PIK3CB: variants seen among roughly 807,000 people sequenced by gnomAD.
PIK3CB encodes phosphatidylinositol 4,5-bisphosphate 3-kinase catalytic subunit beta isoform.
Under a neutral mutation model 136.8 loss-of-function variants are expected in PIK3CB, and 39 were observed. The ratio of observed to expected loss-of-function variants is 0.29; its 90% CI spans 0.22 to 0.37. The LOEUF (loss-of-function observed/expected upper bound fraction) is 0.37. PIK3CB is among the 10% of genes least tolerant of loss of function. The pLI is 1.00. For missense variants in PIK3CB, 868 were observed against 1,275.4 expected (o/e 0.68, Z 4.87); for synonymous variants, 428 against 436.6 (o/e 0.98, Z 0.25).
intron 5 of PIK3CB, among the ~76,000 whole-genome samples, chr3:138,739,065 T>C (rs959847357): frequency 2.6e-5 from 4 of 152,180 alleles, no homozygotes; most frequent in African/African-American, 4.8e-5. Flanking sequence ...TAATCTCTAA[T>C]GTGATGATAT....
chr3:138,666,045 C>T (rs1056083789), intron 19 of PIK3CB, among the ~76,000 whole-genome samples: 14 of 152,216 alleles, frequency 9.2e-5, no homozygotes, highest in African/African-American at 3.1e-4. Flanking sequence ...AATTGATATT[C>T]TAACTAGACC....
At chr3:138,744,258 G>A (rs998808173) in intron 4 of PIK3CB, among the ~76,000 whole-genome samples, 1 of 151,332 alleles carries the variant, frequency 6.6e-6, no homozygotes, top group African/African-American at 2.4e-5. Context: ...AGCCAGGCGT[G>A]GTGGTGGGTG....
Position 138,654,564 on chromosome 3 carries a change from T to C in PIK3CB, c.*825A>G, listed in dbSNP as rs1246300526. On this transcript the variant is annotated 3_prime_UTR_variant, in exon 24 of 24. Coordinates refer to ENST00000674063, the MANE Select transcript of PIK3CB (RefSeq NM_006219.3). ...GAAGTGAACTCTTTCATAGATACCA[T>C]ATAAAAACTGTATTAATATGTGCCT... 3 of 227,356 alleles carry C rather than the reference T, an allele frequency of 1.3e-5. No homozygotes were observed. The highest frequency in any genetic ancestry group is 2.6e-5 in the Non-Finnish European group (3 of 114,460). The allele number at this position is 227,356 out of a possible 1,614,324, so 14.1% of individuals were successfully genotyped here. A position where few individuals can be genotyped will look rare whatever the true frequency, so the allele number is the denominator to read the frequency against.
intron 4 of PIK3CB, among the ~76,000 whole-genome samples, chr3:138,753,886 A>G (rs895445924): frequency 3.3e-5 from 5 of 152,228 alleles, no homozygotes; most frequent in African/African-American, 1.2e-4. Flanking sequence ...TTCCCTAAAA[A>G]TCAATGTGGT....
intron 2 of PIK3CB, among the ~76,000 whole-genome samples, chr3:138,787,072 C>T (rs760678695): frequency 2.0e-5 from 3 of 152,048 alleles, no homozygotes; most frequent in East Asian, 1.9e-4. Context: ...TTTCTAACTG[C>T]GTAAACATCC....
intron 1 of PIK3CB, chr3:138,796,974 G>C (rs1000760540): frequency 1.3e-5 from 2 of 152,314 alleles, no homozygotes; most frequent in African/African-American, 4.8e-5. Context: ...GCTGCCCCAA[G>C]ACACTGCAGC....
chr3:138,810,868 C>T (rs990318889), intron 1 of PIK3CB, among the ~76,000 whole-genome samples: 6 of 150,738 alleles, frequency 4.0e-5, no homozygotes, highest in South Asian at 2.1e-4. Context: ...TGCAGTGAGC[C>T]GAGATCGTGC....
chr3:138,805,150 C>T (rs990248892), intron 1 of PIK3CB, among the ~76,000 whole-genome samples: 1 of 151,684 alleles, frequency 6.6e-6, no homozygotes, highest in Non-Finnish European at 1.5e-5. Context: ...GCCTGGCCAA[C>T]GTGACAAAAC....
rs1349615463 is a variant in PIK3CB at position 138,684,731 on chromosome 3, T to C, written c.2209A>G (p.Lys737Glu). ...KLNAVKLNRAKGKEAMHTCLK... is the reference protein window; with the variant it reads ...KLNAVKLNRAEGKEAMHTCLK... ...CAGGTATGCATGGCCTCCTTCCCTTTGGCTCTGTTTAACTTCACGGCATTC... is the reference window on the plus strand; with the variant it reads ...CAGGTATGCATGGCCTCCTTCCCTTCGGCTCTGTTTAACTTCACGGCATTC... Residue 737 changes from lysine (K) to glutamate (E), a missense_variant, in exon 17 of 24, where the codon AAA (lysine) becomes GAA (glutamate). Lys to Glu is a moderately conservative substitution (Grantham distance 56). Coordinates refer to ENST00000674063, the MANE Select transcript of PIK3CB (RefSeq NM_006219.3). 6.2e-7 allele frequency: 1 copy of C among 1,614,026 alleles called. No homozygotes were observed. The highest frequency in any genetic ancestry group is 1.1e-5 in the South Asian group (1 of 91,084).
intron 8 of PIK3CB, among the ~76,000 whole-genome samples, chr3:138,733,009 T>C (rs1408355417): frequency 6.6e-6 from 1 of 151,378 alleles, no homozygotes; most frequent in Non-Finnish European, 1.5e-5. Context: ...CCAAGATAAC[T>C]CTACTTTGCA....
Position 138,665,209 on chromosome 3 carries a change from A to C in PIK3CB, c.2505-6T>G. 1 of 1,573,532 alleles carries C rather than the reference A, an allele frequency of 6.4e-7. No individual in the cohort carries two copies. Among genetic ancestry groups the C allele is most frequent in the South Asian group, 1.2e-5 (1 of 83,178 alleles). The stretch of plus-strand genomic sequence containing the variant: ...AACAGCCATAAGGCAACATCCTGGA[A>C]GGAAAAAAATGGGCATAGAGTCATA... On this transcript the variant is annotated splice_polypyrimidine_tract_variant and splice_region_variant and intron_variant, in intron 19 of 23. Coordinates refer to ENST00000674063, the MANE Select transcript of PIK3CB (RefSeq NM_006219.3).
At chr3:138,688,072 A>G (rs746819509) in intron 16 of PIK3CB, among the ~76,000 whole-genome samples, 5 of 152,318 alleles carry the variant, frequency 3.3e-5, no homozygotes, top group Non-Finnish European at 7.3e-5. Context: ...AAAGTAAGGG[A>G]TCAGAAAAAG....
chr3:138,771,514 C>T (rs941213778), intron 2 of PIK3CB, among the ~76,000 whole-genome samples: 5 of 152,078 alleles, frequency 3.3e-5, no homozygotes, highest in Admixed American at 2.6e-4. Context: ...CACCCGCGCC[C>T]GGCCCTAGAA....
chr3:138,799,695 T>C (rs2046150747), intron 1 of PIK3CB, among the ~76,000 whole-genome samples: 1 of 152,112 alleles, frequency 6.6e-6, no homozygotes, highest in African/African-American at 2.4e-5. Flanking sequence ...TGTCTGTTTT[T>C]GAGACAGGTT....
intron 2 of PIK3CB, among the ~76,000 whole-genome samples, chr3:138,786,806 T>C (rs1415726582): frequency 6.6e-6 from 1 of 152,222 alleles, no homozygotes; most frequent in Non-Finnish European, 1.5e-5. Context: ...CAGCCATTTA[T>C]ATTACCCTTT....
In PIK3CB at chr3:138,733,370, T is replaced by C; in HGVS notation, c.1041A>G (p.Glu347=). The C allele has an allele frequency of 6.5e-7, 1 of 1,531,630 alleles. No individual in the cohort carries two copies. The highest frequency in any genetic ancestry group is 9.0e-7 in the Non-Finnish European group (1 of 1,110,662). The allele number at this position is 1,531,630 out of a possible 1,614,324, so 94.9% of individuals were successfully genotyped here. The part of the protein sequence containing the change: ...LVKGNKLNTE[E]TVKVHVRAGL... ...CTTAGTGGGTACTCACTTTTACAGT[T>C]TCCTCTGTGTTAAGTTTATTTCCCT... The change falls in exon 8 of 24, where the codon GAA becomes GAG. Residue 347 remains glutamate (E), a synonymous_variant. Coordinates refer to ENST00000674063, the MANE Select transcript of PIK3CB (RefSeq NM_006219.3).
At chr3:138,821,535 A>G (rs1933563602) in intron 1 of PIK3CB, among the ~76,000 whole-genome samples, 1 of 152,198 alleles carries the variant, frequency 6.6e-6, no homozygotes, top group African/African-American at 2.4e-5. Context: ...CTGTAATCCC[A>G]GCACTCTGGG....
At chr3:138,718,288 A>G (rs1036235563) in intron 8 of PIK3CB, among the ~76,000 whole-genome samples, 3 of 152,174 alleles carry the variant, frequency 2.0e-5, no homozygotes, top group African/African-American at 7.2e-5. Context: ...AGTGACATTA[A>G]GCTTTTTTGC....
chr3:138,682,051 G>A lies in PIK3CB; in HGVS notation c.2426-6C>T, dbSNP rs1219467742. 18 of 1,598,188 alleles carry A rather than the reference G, an allele frequency of 1.1e-5. No homozygotes were observed. Among genetic ancestry groups the A allele is most frequent in the Non-Finnish European group, 1.5e-5 (17 of 1,168,472 alleles). ...CAACATATCCTGTCGTAAATCTAAG[G>A]GAAAACAAACTGCTTCATTACAAGT... On this transcript the variant is annotated splice_polypyrimidine_tract_variant and splice_region_variant and intron_variant, in intron 18 of 23. Transcript: ENST00000674063.
Sources: allele counts gnomAD v4.1 joint callset (sites outside exome capture counted in the v4.1 genomes callset), GRCh38; gene constraint gnomAD v4.1.1; transcripts MANE v1.5; gene names NCBI Gene and HGNC (gene_info 2026-07-23, HGNC 2026-07-21).